SHISA6: variants seen among roughly 807,000 people sequenced by gnomAD.
The protein encoded by SHISA6 is protein shisa-6.
SHISA6 carries 22 observed loss-of-function variants against 47.9 expected under a neutral mutation model. That is an observed-to-expected ratio of 0.46 (90% CI 0.33 to 0.66). The LOEUF (loss-of-function observed/expected upper bound fraction) is 0.66, where lower values mean the gene tolerates loss of function less well. Among genes scored for constraint, SHISA6 ranks in the 30% least tolerant of loss-of-function variants. SHISA6 has a pLI of 0.02. For missense variants in SHISA6, 680 were observed against 764.6 expected (o/e 0.89, Z 1.30); for synonymous variants, 388 against 337.8 (o/e 1.15, Z -1.63).
intron 3 of SHISA6, among the ~76,000 whole-genome samples, chr17:11,469,578 G>T (rs1385543452): frequency 1.3e-5 from 2 of 152,162 alleles, no homozygotes; most frequent in Non-Finnish European, 2.9e-5. Flanking sequence ...GCAGAGCAGG[G>T]GTTGGCGGGG....
chr17:11,432,922 T>C (rs1325419520), intron 3 of SHISA6, among the ~76,000 whole-genome samples: 1 of 152,198 alleles, frequency 6.6e-6, no homozygotes, highest in Non-Finnish European at 1.5e-5. Context: ...GGAGAGTGAC[T>C]GCTGATGGGT....
At chr17:11,543,917 A>C (rs979759498) in intron 3 of SHISA6, among the ~76,000 whole-genome samples, 2 of 150,418 alleles carry the variant, frequency 1.3e-5, no homozygotes, top group East Asian at 1.9e-4. Context: ...AAGCAAAAAA[A>C]AAAAAAAAAC....
chr17:11,435,538 C>A (rs1290346410), intron 3 of SHISA6, among the ~76,000 whole-genome samples: 1 of 152,154 alleles, frequency 6.6e-6, no homozygotes, highest in Non-Finnish European at 1.5e-5. Context: ...GGAATCTGTT[C>A]AATCCTTAGA....
intron 2 of SHISA6, among the ~76,000 whole-genome samples, chr17:11,314,773 C>T (rs1198240003): frequency 2.0e-5 from 3 of 152,048 alleles, no homozygotes; most frequent in African/African-American, 7.2e-5. Flanking sequence ...CTCCTGACCT[C>T]AGGTGATCCA....
chr17:11,286,813 G>A (rs1043962580), intron 2 of SHISA6, among the ~76,000 whole-genome samples: 1 of 152,284 alleles, frequency 6.6e-6, no homozygotes, highest in East Asian at 1.9e-4. Context: ...CCTCTTAGAG[G>A]CAGAACACTG....
intron 3 of SHISA6, among the ~76,000 whole-genome samples, chr17:11,395,027 A>T (rs1913521861): frequency 8.4e-6 from 1 of 119,246 alleles, no homozygotes; most frequent in Non-Finnish European, 1.6e-5. Flanking sequence ...TTTGAGACAG[A>T]GTCTCGCTCT....
intron 3 of SHISA6, among the ~76,000 whole-genome samples, chr17:11,477,847 C>A (rs1399669951): frequency 6.6e-6 from 1 of 151,298 alleles, no homozygotes; most frequent in Non-Finnish European, 1.5e-5. Context: ...TGTTCCAAGT[C>A]TTTGCTATTG....
At chr17:11,262,614 C>G (rs1428093762) in intron 1 of SHISA6, among the ~76,000 whole-genome samples, 1 of 152,204 alleles carries the variant, frequency 6.6e-6, no homozygotes, top group East Asian at 1.9e-4. Context: ...TCAGTCAATG[C>G]ATGTTTGGTT....
At chr17:11,548,128 C>T (rs1174466951) in intron 3 of SHISA6, among the ~76,000 whole-genome samples, 1 of 152,196 alleles carries the variant, frequency 6.6e-6, no homozygotes, top group African/African-American at 2.4e-5. Context: ...ACTCTCCAAA[C>T]TTCAGTTTCC....
intron 3 of SHISA6, among the ~76,000 whole-genome samples, chr17:11,502,784 G>A (rs555642566): frequency 3.3e-5 from 5 of 152,254 alleles, no homozygotes; most frequent in Admixed American, 3.3e-4. Context: ...GTGGGGTTCC[G>A]GGGTTGGCAA....
At chr17:11,504,788 G>T (rs1261217613) in intron 3 of SHISA6, among the ~76,000 whole-genome samples, 1 of 152,208 alleles carries the variant, frequency 6.6e-6, no homozygotes, top group Admixed American at 6.5e-5. Context: ...CTTATTCTAA[G>T]GAGCTGGAGA....
chr17:11,326,898 C>T (rs376218941), intron 2 of SHISA6, among the ~76,000 whole-genome samples: 1 of 152,126 alleles, frequency 6.6e-6, no homozygotes, highest in South Asian at 2.1e-4. Flanking sequence ...TCCGCAGCAA[C>T]GTAGGACTTC....
rs746816435 is a variant in SHISA6 at position 11,435,138 on chromosome 17, C to CCT, written c.895+55644_895+55645dup. ...CTGTCTTTCTCTCTCTCTCTGTTTC[C>CCT]CTCTCTCTCTCTCTCTTTTTTAACC... is the stretch of plus-strand genomic sequence containing the variant. On this transcript the variant is annotated intron_variant, in intron 3 of 5. Transcript: ENST00000441885. Among the ~76,000 whole-genome samples, 1,061 of 141,086 alleles carry CCT rather than the reference C, an allele frequency of 7.5e-3. 3 individuals carry two copies. The highest frequency in any genetic ancestry group is 0.011 in the Non-Finnish European group (730 of 64,778). 92.6% of individuals were successfully genotyped at this position (141,086 alleles called of 152,430 possible).
At chr17:11,521,997 G>A (rs958497120) in intron 3 of SHISA6, among the ~76,000 whole-genome samples, 5 of 151,164 alleles carry the variant, frequency 3.3e-5, no homozygotes, top group African/African-American at 9.7e-5. Context: ...ACAGAGTCTC[G>A]CTCTGTCACC....
chr17:11,260,184 A>G (rs867916903), intron 1 of SHISA6, among the ~76,000 whole-genome samples: 2 of 152,180 alleles, frequency 1.3e-5, no homozygotes, highest in South Asian at 2.1e-4. Flanking sequence ...TGCCTGATTA[A>G]TTTACTCTCC....
At chr17:11,429,224 C>T (rs954996867) in intron 3 of SHISA6, among the ~76,000 whole-genome samples, 3 of 152,112 alleles carry the variant, frequency 2.0e-5, no homozygotes, top group African/African-American at 7.2e-5. Flanking sequence ...ATGGGCCCCT[C>T]CAACATGGCA....
chr17:11,532,764 T>C (rs1180056304), intron 3 of SHISA6, among the ~76,000 whole-genome samples: 5 of 89,368 alleles, frequency 5.6e-5, no homozygotes, highest in African/African-American at 1.3e-4. Context: ...TTTTTTTTTT[T>C]CATTTCATTC....
intron 1 of SHISA6, among the ~76,000 whole-genome samples, chr17:11,255,536 CA>C (rs1488682347): frequency 6.6e-6 from 1 of 152,206 alleles, no homozygotes; most frequent in Non-Finnish European, 1.5e-5. Context: ...TACTTCTTTG[CA>C]GGCTAGTGGA....
intron 3 of SHISA6, among the ~76,000 whole-genome samples, chr17:11,523,857 T>C (rs1305311801): frequency 4.0e-5 from 6 of 151,804 alleles, no homozygotes; most frequent in African/African-American, 1.5e-4. Flanking sequence ...AATACAAAAA[T>C]TAGCCGGGCA....
Sources: gnomAD v4.1 joint callset for allele counts (sites outside exome capture counted in the v4.1 genomes callset) on GRCh38, gnomAD v4.1.1 for gene constraint, MANE v1.5 for transcripts, NCBI Gene and HGNC (gene_info 2026-07-23, HGNC 2026-07-21) for gene names.